KCNH7: variants seen among roughly 807,000 people sequenced by gnomAD.
The protein encoded by KCNH7 is voltage-gated inwardly rectifying potassium channel KCNH7.
In KCNH7, 49 loss-of-function variants were observed where a neutral mutation model predicts 120.8. The observed-to-expected ratio is 0.41, with a 90% confidence interval of 0.32 to 0.51. The LOEUF (loss-of-function observed/expected upper bound fraction) is 0.51, where lower values mean the gene tolerates loss of function less well. Ranked by LOEUF, KCNH7 falls within the 20% of genes least tolerant of loss-of-function variation. KCNH7 has a pLI of 0.38. For missense variants in KCNH7, 1,097 were observed against 1,446.6 expected (o/e 0.76, Z 3.92); for synonymous variants, 547 against 516.1 (o/e 1.06, Z -0.81).
chr2:162,587,221 A>G (rs1211881476), intron 2 of KCNH7, among the ~76,000 whole-genome samples: 1 of 151,666 alleles, frequency 6.6e-6, no homozygotes, highest in African/African-American at 2.4e-5. Flanking sequence ...GATTTCATCA[A>G]ACACATTGAC....
intron 9 of KCNH7, among the ~76,000 whole-genome samples, chr2:162,417,354 T>C (rs1200252479): frequency 1.3e-5 from 2 of 152,168 alleles, no homozygotes; most frequent in African/African-American, 4.8e-5. Flanking sequence ...GATTATCAAG[T>C]GATCTGAAAC....
intron 12 of KCNH7, among the ~76,000 whole-genome samples, chr2:162,388,877 C>G (rs1686658229): frequency 6.6e-6 from 1 of 151,948 alleles, no homozygotes; most frequent in South Asian, 2.1e-4. Context: ...CACTTCCACT[C>G]TATTTTCTAG....
intron 2 of KCNH7, among the ~76,000 whole-genome samples, chr2:162,573,107 C>G (rs1439603149): frequency 1.3e-5 from 2 of 151,912 alleles, no homozygotes; most frequent in South Asian, 2.1e-4. Context: ...AATTTTTATA[C>G]TTGATCTCAA....
rs189288484 is a variant in KCNH7, at chr2:162,397,127, G to C, written c.2408-182C>G. Among the ~76,000 whole-genome samples the C allele has an allele frequency of 8.5e-4, 129 of 151,794 alleles. 3 individuals carry two copies. Among genetic ancestry groups the C allele is most frequent in the Admixed American group, 2.9e-3 (44 of 15,194 alleles). The stretch of plus-strand genomic sequence containing the variant: ...TGGTGAGTGGAAATTTGTCTCTAAG[G>C]GTGATTGGTCCTTTTATTTCCTTGC... On this transcript the variant is annotated intron_variant, in intron 10 of 15. Coordinates refer to ENST00000332142, the MANE Select transcript of KCNH7 (RefSeq NM_033272.4).
At chr2:162,453,938 G>A (rs1688867285) in intron 6 of KCNH7, among the ~76,000 whole-genome samples, 1 of 152,030 alleles carries the variant, frequency 6.6e-6, no homozygotes, top group African/African-American at 2.4e-5. Context: ...TTCTTTTTCT[G>A]TGCAGAAGCT....
intron 2 of KCNH7, among the ~76,000 whole-genome samples, chr2:162,745,872 G>T (rs999906155): frequency 2.0e-5 from 3 of 150,316 alleles, no homozygotes; most frequent in Admixed American, 6.6e-5. Context: ...TAGATTTAAA[G>T]AAAAAAAAGT....
At chr2:162,586,878 AC>A (rs1254259574) in intron 2 of KCNH7, among the ~76,000 whole-genome samples, 2 of 152,218 alleles carry the variant, frequency 1.3e-5, no homozygotes, top group Non-Finnish European at 2.9e-5. Context: ...AGTTAGCCAT[AC>A]TATACCTTTT....
chr2:162,398,531 A>G (rs1262343403), intron 10 of KCNH7, among the ~76,000 whole-genome samples: 1 of 151,856 alleles, frequency 6.6e-6, no homozygotes, highest in Non-Finnish European at 1.5e-5. Flanking sequence ...GACATTCTTT[A>G]TAGTTTTGGT....
intron 3 of KCNH7, chr2:162,528,017 G>C (rs376879150): frequency 6.6e-6 from 1 of 151,974 alleles, no homozygotes; most frequent in Non-Finnish European, 1.5e-5. Flanking sequence ...TAGGGCCCAA[G>C]AACTTGCACT....
chr2:162,731,330 A>T (rs1037196788), intron 2 of KCNH7, among the ~76,000 whole-genome samples: 1 of 150,452 alleles, frequency 6.6e-6, no homozygotes, highest in East Asian at 1.9e-4. Flanking sequence ...TACACAAAAA[A>T]ATTTTTGCAC....
At chr2:162,557,711 G>T (rs938051044) in intron 2 of KCNH7, among the ~76,000 whole-genome samples, 1 of 151,846 alleles carries the variant, frequency 6.6e-6, no homozygotes, top group East Asian at 1.9e-4. Flanking sequence ...TGACCTGGTC[G>T]CCACAGGTGA....
chr2:162,648,070 T>G (rs1217745110), intron 2 of KCNH7, among the ~76,000 whole-genome samples: 1 of 152,256 alleles, frequency 6.6e-6, no homozygotes, highest in African/African-American at 2.4e-5. Context: ...CTTGCAGTAT[T>G]TTTCCATTAA....
intron 2 of KCNH7, among the ~76,000 whole-genome samples, chr2:162,684,751 G>A (rs796563204): frequency 1.9e-4 from 29 of 152,266 alleles, no homozygotes; most frequent in South Asian, 1.0e-3. Flanking sequence ...CTGTTGGTGG[G>A]AGTGTAAATT....
chr2:162,570,197 T>G (rs1189190003), intron 2 of KCNH7, among the ~76,000 whole-genome samples: 1 of 148,860 alleles, frequency 6.7e-6, no homozygotes, highest in African/African-American at 2.5e-5. Context: ...GGACTTGCTT[T>G]ATGAATCTAG....
chr2:162,534,864 G>A, intron 3 of KCNH7, among the ~76,000 whole-genome samples: 1 of 151,540 alleles, frequency 6.6e-6, no homozygotes, highest in East Asian at 1.9e-4. Flanking sequence ...AAATTAATAT[G>A]CGTTAAGAGA....
At chr2:162,746,238 A>G (rs1688311876) in intron 2 of KCNH7, among the ~76,000 whole-genome samples, 1 of 152,066 alleles carries the variant, frequency 6.6e-6, no homozygotes. Flanking sequence ...TACAAAATTC[A>G]CTGTGGATTG....
chr2:162,833,377 C>A (rs1685545679), intron 2 of KCNH7, among the ~76,000 whole-genome samples: 1 of 151,764 alleles, frequency 6.6e-6, no homozygotes, highest in Admixed American at 6.6e-5. Flanking sequence ...ATCTTTGTTG[C>A]TGAAAAGTGT....
At chr2:162,676,157 T>C (rs1685522791) in intron 2 of KCNH7, among the ~76,000 whole-genome samples, 1 of 151,560 alleles carries the variant, frequency 6.6e-6, no homozygotes, top group South Asian at 2.1e-4. Context: ...CAGTGTTTGC[T>C]TGAATACATT....
At chr2:162,556,267 C>CT (rs1433730817) in intron 2 of KCNH7, among the ~76,000 whole-genome samples, 1 of 151,990 alleles carries the variant, frequency 6.6e-6, no homozygotes, top group Non-Finnish European at 1.5e-5. Flanking sequence ...GTTCTAAGTG[C>CT]TTTGTATTTA....
Sources: gnomAD v4.1 joint callset for allele counts (sites outside exome capture counted in the v4.1 genomes callset) on GRCh38, gnomAD v4.1.1 for gene constraint, MANE v1.5 for transcripts, NCBI Gene and HGNC (gene_info 2026-07-23, HGNC 2026-07-21) for gene names.